C12orf42: variants seen among roughly 807,000 people sequenced by gnomAD.
The protein encoded by C12orf42 is uncharacterized protein C12orf42.
Under a neutral mutation model 21.6 loss-of-function variants are expected in C12orf42, and 25 were observed. That is an observed-to-expected ratio of 1.16 (90% confidence interval 0.84 to 1.62). C12orf42 has a LOEUF of 1.62. Ranked by LOEUF, C12orf42 falls within the 40% of genes most tolerant of loss-of-function variation. The probability of loss-of-function intolerance (pLI) is 0.00; values close to 1 mark genes in which losing one functional copy is unlikely to be tolerated. For missense variants in C12orf42, 483 were observed against 459.3 expected (o/e 1.05, Z -0.47); for synonymous variants, 174 against 175.0 (o/e 0.99, Z 0.05).
chr12:103,073,143 A>G, the C12orf42 span, among the ~76,000 whole-genome samples: 4 of 152,160 alleles, frequency 2.6e-5, no homozygotes, highest in African/African-American at 9.6e-5. Context: ...ACACGGACAT[A>G]TAGAGGGGAA....
chr12:103,236,635 C>T (rs1002976369), downstream of C12orf42, among the ~76,000 whole-genome samples: 1 of 152,074 alleles, frequency 6.6e-6, no homozygotes, highest in Non-Finnish European at 1.5e-5. Flanking sequence ...ATATTTTATA[C>T]GATTCAGTAA....
the C12orf42 span, among the ~76,000 whole-genome samples, chr12:103,229,095 A>T: frequency 3.3e-5 from 5 of 152,206 alleles, no homozygotes; most frequent in African/African-American, 1.2e-4. Context: ...ATATGTTCTC[A>T]TCACTTCAAG....
Position 103,302,474 on chromosome 12 carries a change from G to A in C12orf42, c.717C>T (p.Asn239=), listed in dbSNP as rs1566037080. The change falls in exon 6 of 6, where the codon AAC becomes AAT. Residue 239 remains asparagine, a synonymous_variant. Transcript: ENST00000548883. ...TCCTCTCCTCCGGCTCGAGCTCTGT[G>A]TTACTCGGGCCGGTGCTCTGCAGAG... is the stretch of plus-strand genomic sequence containing the variant. ...PGALQSTGPS[N]TELEPEERMA... 6.2e-7 allele frequency: 1 copy of A among 1,613,610 alleles called. No homozygotes were observed. The highest frequency in any genetic ancestry group is 1.3e-5 in the African/African-American group (1 of 74,878).
At chr12:103,529,710 C>T in the C12orf42 span, among the ~76,000 whole-genome samples, 1 of 152,190 alleles carries the variant, frequency 6.6e-6, no homozygotes, top group Non-Finnish European at 1.5e-5. Context: ...AAATGCATTT[C>T]CACTGATCAT....
At chr12:103,438,773 G>A (rs1480506625) in intron 2 of C12orf42, among the ~76,000 whole-genome samples, 1 of 151,750 alleles carries the variant, frequency 6.6e-6, no homozygotes, top group East Asian at 1.9e-4. Flanking sequence ...CAAACAAATG[G>A]AAGAACATTC....
chr12:103,294,448 A>AAGAAAGAAAG (rs1566025294), intron 4 of C12orf42, among the ~76,000 whole-genome samples: 1 of 128,856 alleles, frequency 7.8e-6, no homozygotes, highest in Non-Finnish European at 1.6e-5. Flanking sequence ...GAAAGAAAGA[A>AAGAAAGAAAG]AGAAAGAAAG....
chr12:103,335,025 T>C (rs971921149), intron 4 of C12orf42, among the ~76,000 whole-genome samples: 1 of 152,232 alleles, frequency 6.6e-6, no homozygotes, highest in African/African-American at 2.4e-5. Context: ...GAATAAACTG[T>C]ATGTTTCATT....
chr12:103,193,538 T>G, the C12orf42 span, among the ~76,000 whole-genome samples: 2 of 151,092 alleles, frequency 1.3e-5, no homozygotes, highest in African/African-American at 4.9e-5. Flanking sequence ...TCCACAGAAA[T>G]AAAAAAGATT....
chr12:103,280,949 A>C (rs1190734655), intron 4 of C12orf42, among the ~76,000 whole-genome samples: 1 of 152,216 alleles, frequency 6.6e-6, no homozygotes, highest in Non-Finnish European at 1.5e-5. Flanking sequence ...TATCTTCTAC[A>C]TGGAAAGGCC....
At chr12:103,228,349 C>A in the C12orf42 span, among the ~76,000 whole-genome samples, 1 of 151,966 alleles carries the variant, frequency 6.6e-6, no homozygotes. Flanking sequence ...CCAGGATGAC[C>A]CAGGAAAAGG....
At chr12:103,175,205 C>T in the C12orf42 span, among the ~76,000 whole-genome samples, 2 of 151,980 alleles carry the variant, frequency 1.3e-5, no homozygotes, top group African/African-American at 2.4e-5. Flanking sequence ...GAATCTATAA[C>T]CAGTTTTATT....
chr12:103,089,726 C>G, the C12orf42 span, among the ~76,000 whole-genome samples: 2 of 151,866 alleles, frequency 1.3e-5, no homozygotes, highest in African/African-American at 2.4e-5. Context: ...ATTCTGGCAT[C>G]TTGTCTACTG....
chr12:103,495,208 C>A (rs1955440543), intron 1 of C12orf42, among the ~76,000 whole-genome samples: 1 of 146,020 alleles, frequency 6.8e-6, no homozygotes. Flanking sequence ...GGAAATTAAC[C>A]ACTTGGGGGG....
At chr12:103,369,711 A>C (rs192591300) in intron 3 of C12orf42, among the ~76,000 whole-genome samples, 1 of 152,198 alleles carries the variant, frequency 6.6e-6, no homozygotes, top group Non-Finnish European at 1.5e-5. Context: ...ATAAGGTCAA[A>C]AGTAAGGATC....
the C12orf42 span, among the ~76,000 whole-genome samples, chr12:103,540,688 T>C: frequency 2.0e-5 from 3 of 152,336 alleles, no homozygotes; most frequent in Middle Eastern, 3.4e-3. Context: ...TTCAAGTTTA[T>C]CTCTTTTAAA....
At chr12:103,212,914 T>G in the C12orf42 span, among the ~76,000 whole-genome samples, 1 of 152,038 alleles carries the variant, frequency 6.6e-6, no homozygotes, top group Non-Finnish European at 1.5e-5. Flanking sequence ...CCTACTATTC[T>G]GCAGTTAGAT....
chr12:103,214,691 T>C, the C12orf42 span, among the ~76,000 whole-genome samples: 3 of 152,336 alleles, frequency 2.0e-5, no homozygotes, highest in African/African-American at 7.2e-5. Flanking sequence ...ATTGGTTGTG[T>C]GGAAATAACG....
At chr12:103,306,387 A>C in intron 4 of C12orf42, 42 bp from the exon 5 acceptor site, 1 of 1,529,328 alleles carries the variant, frequency 6.5e-7, no homozygotes, top group South Asian at 1.3e-5. Flanking sequence ...TTCACCAAAA[A>C]CACCTGCTAA....
chr12:103,232,778 A>G (rs1383597637), downstream of C12orf42, among the ~76,000 whole-genome samples: 2 of 151,700 alleles, frequency 1.3e-5, no homozygotes, highest in African/African-American at 4.8e-5. Context: ...ATTTTTAATT[A>G]ATTTTAGTAA....
Sources: gnomAD v4.1 joint callset for allele counts (sites outside exome capture counted in the v4.1 genomes callset) on GRCh38, gnomAD v4.1.1 for gene constraint, MANE v1.5 for transcripts, NCBI Gene and HGNC (gene_info 2026-07-23, HGNC 2026-07-21) for gene names.